The following CAPN9 variants were observed in gnomAD, a reference collection of about 807,000 sequenced individuals.
CAPN9 encodes the protein calpain 9.
In CAPN9, 81 loss-of-function variants were observed where a neutral mutation model predicts 92.8. The observed-to-expected ratio is 0.87, with a 90% CI of 0.73 to 1.05. The LOEUF (loss-of-function observed/expected upper bound fraction) is 1.05, where lower values mean the gene tolerates loss of function less well. CAPN9 is among the 50% of genes least tolerant of loss of function. The pLI is 0.00. For synonymous variants in CAPN9, 304 were observed against 328.0 expected (o/e 0.93, Z 0.79); for missense variants, 848 against 866.2 (o/e 0.98, Z 0.26).
intron 18 of CAPN9, among the ~76,000 whole-genome samples, chr1:230,796,235 G>C (rs543204045): frequency 6.6e-6 from 1 of 151,814 alleles, no homozygotes; most frequent in South Asian, 2.1e-4. Context: ...TGAGGCAGGA[G>C]AACCCCTTGA....
rs1026860903 is a variant in CAPN9, at chr1:230,755,342, C to T, written c.219C>T (p.Ile73=). 1.9e-6 allele frequency: 3 copies of T among 1,609,354 alleles called. No homozygotes were observed. The highest frequency in any genetic ancestry group is 1.7e-5 in the Admixed American group (1 of 59,494). The part of the protein sequence containing the change: ...IPFVWKRPGE[I]VKNPEFILGG... ...TAACACTCTCATTCCTCCAGGAAAT[C>T]GTGAAAAACCCAGAATTCATTCTTG... Residue 73 remains isoleucine (I), a synonymous_variant, in exon 2 of 20, where the codon ATC becomes ATT. Transcript: ENST00000271971.
chr1:230,779,707 C>T (rs893127969), intron 9 of CAPN9, among the ~76,000 whole-genome samples: 2 of 152,096 alleles, frequency 1.3e-5, no homozygotes, highest in African/African-American at 4.8e-5. Context: ...TTTGTCCAAT[C>T]CTCGGTGGCA....
In CAPN9 at chr1:230,791,905, A is replaced by G. The variant is rs1668014134; in HGVS notation, c.1699A>G (p.Lys567Glu). Residue 567 changes from lysine (K) to glutamate (E), a missense_variant, in exon 15 of 20, where the codon AAA becomes GAA. Transcript: ENST00000271971. ...CAAGAAGCTAAGCCTGATCTCCTGT[A>G]AAAACATCATTTCCCTGATGGACGT... ...KFKKLSLISC[K>E]NIISLMDTSG... The G allele has an allele frequency of 3.1e-6, 5 of 1,613,348 alleles. No homozygotes were observed. The highest frequency in any genetic ancestry group is 3.4e-6 in the Non-Finnish European group (4 of 1,179,238).
rs781712356 is a variant in CAPN9, at chr1:230,757,048, GGAAGGAAGGAAGGAAGGAAA to G, written c.283+1644_283+1663del. Reference sequence around the variant, plus strand: ...AGGAAGGAAGGAAGGAAGGAAGGAAGGAAGGAAGGAAGGAAGGAAAGGAGAAAATATACTATTCCAGGATT... The same window carrying G: ...AGGAAGGAAGGAAGGAAGGAAGGAAGGGAGAAAATATACTATTCCAGGATT... On this transcript the variant is annotated intron_variant, in intron 2 of 19. Transcript: ENST00000271971. Among the ~76,000 whole-genome samples the G allele has an allele frequency of 8.5e-3, 1,133 of 133,600 alleles. 13 individuals are homozygous for G. The highest frequency in any genetic ancestry group is 0.011 in the Middle Eastern group (3 of 268). The allele number at this position is 133,600 out of a possible 152,430, so 87.6% of individuals were successfully genotyped here. A position where few individuals can be genotyped will look rare whatever the true frequency, so the allele number is the denominator to read the frequency against.
chr1:230,792,939 G>C lies in CAPN9; in HGVS notation c.1870+11G>C. 1 of 1,606,050 alleles carries C rather than the reference G, an allele frequency of 6.2e-7. No individual in the cohort carries two copies. The highest frequency in any genetic ancestry group is 8.5e-7 in the Non-Finnish European group (1 of 1,172,898). On this transcript the variant is annotated intron_variant, in intron 17 of 19. Coordinates refer to ENST00000271971, the MANE Select transcript of CAPN9 (RefSeq NM_006615.3). ...CACTGAAAGCTGCAGGTAAAGAAAA[G>C]ACTGGAGTACAGGTGGCTGACTGCA...
intron 1 of CAPN9, chr1:230,752,626 C>A: frequency 1.0e-6 from 1 of 967,408 alleles, no homozygotes; most frequent in Non-Finnish European, 1.2e-6. Context: ...GGGAAGGAGG[C>A]GGGCATCCGG....
In CAPN9 at chr1:230,747,485, C is replaced by T; in HGVS notation, c.-12C>T. 1 of 1,612,686 alleles carries T rather than the reference C, an allele frequency of 6.2e-7. No homozygotes were observed. Among genetic ancestry groups the T allele is most frequent in the Non-Finnish European group, 8.5e-7 (1 of 1,178,918 alleles). ...CACTGCCGGACCCAAGCCAGCCTTCCAGGGAGCAGCCATGCCTTACCTCTA... is the reference window on the plus strand; with the variant it reads ...CACTGCCGGACCCAAGCCAGCCTTCTAGGGAGCAGCCATGCCTTACCTCTA... On this transcript the variant is annotated 5_prime_UTR_variant, in exon 1 of 20. Transcript: ENST00000271971.
At chr1:230,755,745 A>G (rs1665182213) in intron 2 of CAPN9, among the ~76,000 whole-genome samples, 1 of 152,232 alleles carries the variant, frequency 6.6e-6, no homozygotes, top group Non-Finnish European at 1.5e-5. Flanking sequence ...TACTCTCCCC[A>G]GCACACATTG....
At chr1:230,768,653 C>G (rs1250156725) in intron 5 of CAPN9, among the ~76,000 whole-genome samples, 1 of 150,120 alleles carries the variant, frequency 6.7e-6, no homozygotes, top group East Asian at 1.9e-4. Context: ...ATAATTTTAT[C>G]TCATCTTTTT....
chr1:230,797,736 C>T (rs1321409802), intron 18 of CAPN9, among the ~76,000 whole-genome samples: 3 of 152,184 alleles, frequency 2.0e-5, no homozygotes, highest in Admixed American at 6.5e-5. Flanking sequence ...CTCTCCTGTG[C>T]CACTCTGTCC....
rs188531089 is a variant in CAPN9 at position 230,786,967 on chromosome 1, G to A, written c.1519-555G>A. On this transcript the variant is annotated intron_variant, in intron 12 of 19. Transcript: ENST00000271971. ...ACTATAGCTGGAAATAGTCTGACAC[G>A]TCCAGGGACAGCAGAGATCTGCTTT... 7.5e-4 allele frequency among the ~76,000 whole-genome samples: 114 copies of A among 152,218 alleles called. 1 individual carries two copies. Among genetic ancestry groups the A allele is most frequent in the African/African-American group, 2.6e-3 (109 of 41,544 alleles).
chr1:230,798,962 G>A (rs1668520101), intron 19 of CAPN9, among the ~76,000 whole-genome samples: 1 of 152,234 alleles, frequency 6.6e-6, no homozygotes, highest in Non-Finnish European at 1.5e-5. Flanking sequence ...CCCAAAGGCA[G>A]AGGGGAAACT....
chr1:230,795,142 T>C, intron 17 of CAPN9, 21 bp from the exon 18 acceptor site: 1 of 1,504,934 alleles, frequency 6.6e-7, no homozygotes, highest in African/African-American at 1.4e-5. Context: ...GAGTCCTGGG[T>C]CTCCTCCTTT....
At chr1:230,778,077 C>G (rs1354306080) in intron 8 of CAPN9, among the ~76,000 whole-genome samples, 1 of 152,132 alleles carries the variant, frequency 6.6e-6, no homozygotes, top group African/African-American at 2.4e-5. Context: ...AGACATCTCA[C>G]ATTCACGTGC....
Position 230,780,208 on chromosome 1 carries a change from T to C in CAPN9, c.1144T>C (p.Leu382=). ...CTTTTGGACCAATCCACAAATAAAA[T>C]TGTCTCTGACTGAGAAAGATGAGGG... The part of the protein sequence containing the change: ...DTFWTNPQIK[L]SLTEKDEGQE... The change falls in exon 10 of 20, where the codon TTG becomes CTG. Residue 382 remains leucine, a synonymous_variant. Coordinates refer to ENST00000271971, the MANE Select transcript of CAPN9 (RefSeq NM_006615.3). 3 of 1,613,756 alleles carry C rather than the reference T, an allele frequency of 1.9e-6. No individual in the cohort carries two copies. Among genetic ancestry groups the C allele is most frequent in the East Asian group, 2.2e-5 (1 of 44,852 alleles).
In CAPN9 at chr1:230,747,423, G is replaced by T. The variant is rs561531116; in HGVS notation, c.-74G>T. 1.4e-5 allele frequency: 19 copies of T among 1,322,556 alleles called. No individual in the cohort carries two copies. In the African/African-American group the frequency reaches 2.6e-4, roughly 18 times the overall value. 81.9% of individuals were successfully genotyped at this position (1,322,556 alleles called of 1,614,324 possible). On this transcript the variant is annotated 5_prime_UTR_variant, in exon 1 of 20. Coordinates refer to ENST00000271971, the MANE Select transcript of CAPN9 (RefSeq NM_006615.3). ...CCCTCTGAGCTGTTCCTTCTTGACC[G>T]GCACACACAGCTCGCTTCTTCACTT...
At position 230,778,878 on chromosome 1, in the gene CAPN9, A is replaced by G. The variant is rs533848130; in HGVS notation, c.954-95A>G. The G allele has an allele frequency of 1.5e-4, 175 of 1,168,826 alleles. No individual in the cohort carries two copies. The African/African-American group carries it at 2.3e-3, about 15-fold the overall frequency. The allele number at this position is 1,168,826 out of a possible 1,614,324, so 72.4% of individuals were successfully genotyped here. A position where few individuals can be genotyped will look rare whatever the true frequency, so the allele number is the denominator to read the frequency against. Reference sequence around the variant, plus strand: ...ACTCCTTGCGGACAGGAACAAGATGATTTAATGAATAAGTGAATGATTTAA... The same window carrying G: ...ACTCCTTGCGGACAGGAACAAGATGGTTTAATGAATAAGTGAATGATTTAA... On this transcript the variant is annotated intron_variant, in intron 8 of 19. Transcript: ENST00000271971.
intron 9 of CAPN9, 57 bp from the exon 10 acceptor site, chr1:230,780,113 TGTGTGTGTG>T: frequency 2.2e-6 from 2 of 888,924 alleles, no homozygotes; most frequent in Non-Finnish European, 3.5e-6. Flanking sequence ...TGTGTGTGTG[TGTGTGTGTG>T]GTCTTTGTGG....
At chr1:230,796,522 T>G (rs1021858545) in intron 18 of CAPN9, among the ~76,000 whole-genome samples, 9 of 152,098 alleles carry the variant, frequency 5.9e-5, no homozygotes, top group African/African-American at 1.9e-4. Flanking sequence ...AGAGCCGTAA[T>G]TTCTGGACAA....
Sources: allele counts gnomAD v4.1 joint callset (sites outside exome capture counted in the v4.1 genomes callset), GRCh38; gene constraint gnomAD v4.1.1; transcripts MANE v1.5; gene names NCBI Gene and HGNC (gene_info 2026-07-23, HGNC 2026-07-21).